Variants in SAMTOR observed in about 807,000 individuals in gnomAD.
The protein encoded by SAMTOR is S-adenosylmethionine sensor upstream of mTORC1, also known as UPF0532 protein C7orf60.
the SAMTOR span, among the ~76,000 whole-genome samples, chr7:112,846,585 A>T: frequency 2.0e-5 from 3 of 152,160 alleles, no homozygotes; most frequent in Non-Finnish European, 4.4e-5. Flanking sequence ...AATGAAGTAA[A>T]CCTGGACAGG....
At chr7:112,853,303 T>C in the SAMTOR span, among the ~76,000 whole-genome samples, 5 of 152,174 alleles carry the variant, frequency 3.3e-5, no homozygotes, top group African/African-American at 1.2e-4. Flanking sequence ...TATAATGATG[T>C]ATATAAGCTA....
At chr7:112,854,186 A>C in the SAMTOR span, among the ~76,000 whole-genome samples, 1 of 152,130 alleles carries the variant, frequency 6.6e-6, no homozygotes, top group African/African-American at 2.4e-5. Context: ...GACTAGGCTT[A>C]TTCTCATTTA....
chr7:112,867,727 A>G, the SAMTOR span, among the ~76,000 whole-genome samples: 1 of 152,254 alleles, frequency 6.6e-6, no homozygotes, highest in Non-Finnish European at 1.5e-5. Flanking sequence ...GAAAAGAACT[A>G]TATTTAAATA....
At chr7:112,826,741 C>G in the SAMTOR span, among the ~76,000 whole-genome samples, 3 of 152,064 alleles carry the variant, frequency 2.0e-5, no homozygotes, top group African/African-American at 7.2e-5. Context: ...GTGTTTAGTG[C>G]TATAATTTTC....
At chr7:112,837,196 C>A in the SAMTOR span, among the ~76,000 whole-genome samples, 9 of 151,948 alleles carry the variant, frequency 5.9e-5, no homozygotes, top group Admixed American at 3.3e-4. Flanking sequence ...CTTTTTGTGG[C>A]AATTGTGGAT....
chr7:112,840,577 C>T, the SAMTOR span, among the ~76,000 whole-genome samples: 1 of 151,632 alleles, frequency 6.6e-6, no homozygotes, highest in Admixed American at 6.6e-5. Flanking sequence ...ATTTTCTTGT[C>T]TGTGTGAGGC....
chr7:112,856,406 C>T, the SAMTOR span, among the ~76,000 whole-genome samples: 18 of 151,978 alleles, frequency 1.2e-4, no homozygotes, highest in Admixed American at 4.6e-4. Context: ...TGAGCCACCA[C>T]GCCCAGCTAA....
chr7:112,831,505 A>C, the SAMTOR span, among the ~76,000 whole-genome samples: 11 of 152,096 alleles, frequency 7.2e-5, no homozygotes, highest in Non-Finnish European at 1.6e-4. Flanking sequence ...AAAAATACAA[A>C]GTTAGCTGGG....
the SAMTOR span, among the ~76,000 whole-genome samples, chr7:112,887,940 C>T: frequency 7.9e-5 from 12 of 151,976 alleles, no homozygotes. Context: ...TTTTCAATTT[C>T]ATTAATTTCT....
the SAMTOR span, chr7:112,935,295 A>G: frequency 2.5e-6 from 1 of 396,174 alleles, no homozygotes; most frequent in Non-Finnish European, 4.9e-6. Context: ...AAGTTCAATT[A>G]AAAGGAGTCT....
the SAMTOR span, among the ~76,000 whole-genome samples, chr7:112,917,791 C>A: frequency 6.6e-6 from 1 of 151,928 alleles, no homozygotes; most frequent in African/African-American, 2.4e-5. Flanking sequence ...TCGAGAACTA[C>A]GTGAAGAATG....
chr7:112,897,347 T>C, the SAMTOR span, among the ~76,000 whole-genome samples: 254 of 152,328 alleles, frequency 1.7e-3, 1 homozygote, highest in African/African-American at 6.0e-3. Flanking sequence ...ATGTAGACTT[T>C]ATCAACTTGA....
chr7:112,829,450 A>C, the SAMTOR span, among the ~76,000 whole-genome samples: 1 of 152,200 alleles, frequency 6.6e-6, no homozygotes, highest in Non-Finnish European at 1.5e-5. Flanking sequence ...TAATTTTCCC[A>C]AACTGGTATT....
At chr7:112,905,146 T>C in the SAMTOR span, among the ~76,000 whole-genome samples, 3 of 152,170 alleles carry the variant, frequency 2.0e-5, no homozygotes, top group African/African-American at 7.2e-5. Context: ...TCCTAAACCG[T>C]TTACTCTGCC....
chr7:112,880,296 T>C, the SAMTOR span, among the ~76,000 whole-genome samples: 2 of 152,174 alleles, frequency 1.3e-5, no homozygotes, highest in African/African-American at 2.4e-5. Context: ...TGTAGAGCTT[T>C]AGGGTTTTTA....
chr7:112,823,417 A>AG, the SAMTOR span, among the ~76,000 whole-genome samples: 1 of 152,202 alleles, frequency 6.6e-6, no homozygotes, highest in Non-Finnish European at 1.5e-5. Flanking sequence ...CCCTGCCAGC[A>AG]GGCAACCATT....
the SAMTOR span, among the ~76,000 whole-genome samples, chr7:112,838,577 G>C: frequency 1.3e-5 from 2 of 151,866 alleles, no homozygotes; most frequent in Non-Finnish European, 2.9e-5. Context: ...GTTCATTGTA[G>C]TTTTGACTTT....
the SAMTOR span, among the ~76,000 whole-genome samples, chr7:112,882,037 T>C: frequency 6.6e-6 from 1 of 152,208 alleles, no homozygotes; most frequent in Admixed American, 6.5e-5. Context: ...TCTCCATGCT[T>C]CCAGGCACCA....
the SAMTOR span, among the ~76,000 whole-genome samples, chr7:112,922,799 G>A: frequency 1.3e-3 from 201 of 149,650 alleles, 1 homozygote; most frequent in African/African-American, 4.3e-3. Context: ...GTCAGCCCCC[G>A]CCAGGCCAGC....
Sources: allele counts gnomAD v4.1 joint callset (sites outside exome capture counted in the v4.1 genomes callset), GRCh38; gene constraint gnomAD v4.1.1; transcripts MANE v1.5; gene names NCBI Gene and HGNC (gene_info 2026-07-23, HGNC 2026-07-21).